The following FCRL2 variants were observed in gnomAD, a reference collection of about 807,000 sequenced individuals.
FCRL2 encodes Fc receptor like 2.
FCRL2 carries 48 observed loss-of-function variants against 59.8 expected under a neutral mutation model. The observed-to-expected ratio is 0.80, with a 90% CI of 0.64 to 1.02. FCRL2 has a LOEUF of 1.02. Among genes scored for constraint, FCRL2 ranks in the 50% least tolerant of loss-of-function variants. FCRL2 has a pLI of 0.00. For missense variants in FCRL2, 658 were observed against 597.3 expected (o/e 1.10, Z -1.06); for synonymous variants, 251 against 229.5 (o/e 1.09, Z -0.85).
chr1:157,758,388 G>C (rs1175606882), intron 7 of FCRL2, among the ~76,000 whole-genome samples: 1 of 151,906 alleles, frequency 6.6e-6, no homozygotes, highest in Non-Finnish European at 1.5e-5. Context: ...TTGCACAAAA[G>C]GGAAAAAATA....
In FCRL2 at chr1:157,746,934, C is replaced by G. The variant is rs16839018; in HGVS notation, c.1460-35G>C. 9,580 of 1,607,954 alleles carry G rather than the reference C, an allele frequency of 6.0e-3. 467 individuals are homozygous for G. The African/African-American group carries it at 0.11, about 19-fold the overall frequency. ...AAAAAGTAATAGTTCTGAGCTCTTG[C>G]ATTCTTAATTAGGCCTCACTCCCAG... On this transcript the variant is annotated intron_variant, in intron 10 of 11. Coordinates refer to ENST00000361516, the MANE Select transcript of FCRL2 (RefSeq NM_030764.4).
At position 157,746,690 on chromosome 1, in the gene FCRL2, AT is replaced by A; in HGVS notation, c.*45del. 1 of 1,588,206 alleles carries A rather than the reference AT, an allele frequency of 6.3e-7. No individual in the cohort carries two copies. The highest frequency in any genetic ancestry group is 8.6e-7 in the Non-Finnish European group (1 of 1,156,726). ...TAAGGTTTTATAGCAAGTCTTAATG[AT>A]GCCCCATCCTTGCTGTTGATCTTCC... On this transcript the variant is annotated 3_prime_UTR_variant, in exon 12 of 12. Transcript: ENST00000361516.
Position 157,755,251 on chromosome 1 carries a change from G to A in FCRL2, c.1280-5574C>T, listed in dbSNP as rs79211930. Among the ~76,000 whole-genome samples the A allele has an allele frequency of 6.6e-5, 10 of 152,122 alleles. No homozygotes were observed. In the East Asian group the frequency reaches 1.7e-3, roughly 27 times the overall value. The stretch of plus-strand genomic sequence containing the variant: ...CTAAGAATGAGATAAAAAACCCAAC[G>A]TAAAACGATGAAACTATGTGAACAA... On this transcript the variant is annotated intron_variant, in intron 7 of 11. Coordinates refer to ENST00000361516, the MANE Select transcript of FCRL2 (RefSeq NM_030764.4).
chr1:157,768,418 C>A lies in FCRL2; in HGVS notation c.879G>T (p.Val293=). 6.2e-7 allele frequency: 1 copy of A among 1,612,942 alleles called. No homozygotes were observed. Among genetic ancestry groups the A allele is most frequent in the South Asian group, 1.1e-5 (1 of 90,944 alleles). Residue 293 remains valine, a synonymous_variant, in exon 5 of 12, where the codon GTG becomes GTT. Coordinates refer to ENST00000361516, the MANE Select transcript of FCRL2 (RefSeq NM_030764.4). ...ATGAATGAGAGTGTCACTCACTTCTCACAGGGATATTCACCACCTTGCTCT... is the reference window on the plus strand; with the variant it reads ...ATGAATGAGAGTGTCACTCACTTCTAACAGGGATATTCACCACCTTGCTCT... The part of the protein sequence containing the change: ...PIQSKVVNIP[V]RIPVSRPVLT...
chr1:157,746,787 C>G lies in FCRL2; in HGVS notation c.1489-13G>C. On this transcript the variant is annotated splice_polypyrimidine_tract_variant and intron_variant, in intron 11 of 11. Coordinates refer to ENST00000361516, the MANE Select transcript of FCRL2 (RefSeq NM_030764.4). ...TGACTTGGGAGTCCTGGGAGAGACACACAGGAATAAAGACTGAGGTGATCA... is the reference window on the plus strand; with the variant it reads ...TGACTTGGGAGTCCTGGGAGAGACAGACAGGAATAAAGACTGAGGTGATCA... The G allele has an allele frequency of 6.2e-7, 1 of 1,613,876 alleles. No individual in the cohort carries two copies. Among genetic ancestry groups the G allele is most frequent in the East Asian group, 2.2e-5 (1 of 44,874 alleles).
chr1:157,770,770 C>G (rs747321425), intron 2 of FCRL2, 104 bp from the exon 3 acceptor site: 128 of 1,264,198 alleles, frequency 1.0e-4, no homozygotes, highest in Non-Finnish European at 1.4e-4. Context: ...CTTCTTTAAA[C>G]AAGATGGAAG....
At chr1:157,762,217 G>C (rs188673724) in intron 7 of FCRL2, among the ~76,000 whole-genome samples, 1 of 152,244 alleles carries the variant, frequency 6.6e-6, no homozygotes, top group African/African-American at 2.4e-5. Flanking sequence ...ATACCTACCC[G>C]CATGCACCAT....
Position 157,766,482 on chromosome 1 carries a change from A to T in FCRL2, c.1279+373T>A, listed in dbSNP as rs1004241930. The T allele has an allele frequency of 1.0e-4, 21 of 206,734 alleles. No individual in the cohort carries two copies. The Admixed American group carries it at 1.1e-3, about 10-fold the overall frequency. 12.8% of individuals were successfully genotyped at this position (206,734 alleles called of 1,614,324 possible). Reference sequence around the variant, plus strand: ...TGAGACTCTGTCTCAAAAAAAAAAAAATTTTTTTTGTGTTCCTTTAAATCT... The same window carrying T: ...TGAGACTCTGTCTCAAAAAAAAAAATATTTTTTTTGTGTTCCTTTAAATCT... On this transcript the variant is annotated intron_variant, in intron 7 of 11. Coordinates refer to ENST00000361516, the MANE Select transcript of FCRL2 (RefSeq NM_030764.4).
At chr1:157,764,465 C>A (rs1649347642) in intron 7 of FCRL2, among the ~76,000 whole-genome samples, 1 of 152,172 alleles carries the variant, frequency 6.6e-6, no homozygotes, top group Admixed American at 6.6e-5. Flanking sequence ...GTACTTTAAA[C>A]CAAATAGCCT....
At chr1:157,772,484 C>T (rs1218991560) in intron 2 of FCRL2, among the ~76,000 whole-genome samples, 1 of 152,156 alleles carries the variant, frequency 6.6e-6, no homozygotes, top group Non-Finnish European at 1.5e-5. Context: ...AGCCGGCTTG[C>T]AGCTCTGAGA....
intron 3 of FCRL2, 101 bp from the exon 4 acceptor site, chr1:157,770,251 G>A: frequency 6.8e-7 from 1 of 1,468,618 alleles, no homozygotes; most frequent in Non-Finnish European, 9.3e-7. Context: ...GACATTCAGA[G>A]CTAGACACCT....
At chr1:157,771,861 A>G (rs1389026569) in intron 2 of FCRL2, among the ~76,000 whole-genome samples, 1 of 152,126 alleles carries the variant, frequency 6.6e-6, no homozygotes, top group Non-Finnish European at 1.5e-5. Context: ...AGAAGTCAAT[A>G]AAATAAGAGA....
At chr1:157,769,180 A>G (rs1649777128) in intron 4 of FCRL2, 1 of 155,850 alleles carries the variant, frequency 6.4e-6, no homozygotes, top group African/African-American at 2.4e-5. Flanking sequence ...ATTGCCTTCT[A>G]ATAAGTCAAT....
Position 157,754,456 on chromosome 1 carries a change from A to G in FCRL2, c.1280-4779T>C, listed in dbSNP as rs557886575. 2.0e-5 allele frequency among the ~76,000 whole-genome samples: 3 copies of G among 152,292 alleles called. No individual in the cohort carries two copies. In the East Asian group the frequency reaches 5.8e-4, roughly 29 times the overall value. On this transcript the variant is annotated intron_variant, in intron 7 of 11. Transcript: ENST00000361516. Reference sequence around the variant, plus strand: ...TCAAGAAATAACCATAAAAATGGGCAACAAGGAACCCTTGGGGCTACTCTG... The same window carrying G: ...TCAAGAAATAACCATAAAAATGGGCGACAAGGAACCCTTGGGGCTACTCTG...
At chr1:157,758,603 GT>G (rs1648775125) in intron 7 of FCRL2, among the ~76,000 whole-genome samples, 1 of 132,414 alleles carries the variant, frequency 7.6e-6, no homozygotes. Flanking sequence ...CAATGACATT[GT>G]TTGCAAAATT....
At position 157,768,435 on chromosome 1, in the gene FCRL2, C is replaced by T. The variant is rs1287345109; in HGVS notation, c.862G>A (p.Val288Met). 1.2e-6 allele frequency: 2 copies of T among 1,613,934 alleles called. No individual in the cohort carries two copies. The highest frequency in any genetic ancestry group is 1.7e-6 in the Non-Finnish European group (2 of 1,179,938). ...DNGHVPIQSK[V>M]VNIPVRIPVS... Reference sequence around the variant, plus strand: ...TCACTTCTCACAGGGATATTCACCACCTTGCTCTGGATAGGCACATGGCCG... The same window carrying T: ...TCACTTCTCACAGGGATATTCACCATCTTGCTCTGGATAGGCACATGGCCG... The change falls in exon 5 of 12, where the codon GTG becomes ATG. Residue 288 changes from valine to methionine, a missense_variant. Val to Met is a conservative substitution (Grantham distance 21, BLOSUM62 1). Coordinates refer to ENST00000361516, the MANE Select transcript of FCRL2 (RefSeq NM_030764.4).
intron 7 of FCRL2, among the ~76,000 whole-genome samples, chr1:157,763,390 T>G (rs1182058113): frequency 6.6e-6 from 1 of 151,906 alleles, no homozygotes; most frequent in African/African-American, 2.4e-5. Flanking sequence ...CCAGGCATGG[T>G]GGCGGGTGCC....
At chr1:157,766,656 G>T (rs1649518013) in intron 7 of FCRL2, 199 bp downstream of exon 7, 2 of 728,490 alleles carry the variant, frequency 2.7e-6, no homozygotes, top group Non-Finnish European at 4.3e-6. Flanking sequence ...ACTATGCACA[G>T]GGAACAGTGA....
At chr1:157,751,014 C>G (rs1456535066) in intron 7 of FCRL2, among the ~76,000 whole-genome samples, 2 of 151,894 alleles carry the variant, frequency 1.3e-5, no homozygotes, top group African/African-American at 2.4e-5. Flanking sequence ...TGACATATGT[C>G]TATAATTTGT....
Sources: gnomAD v4.1 joint callset for allele counts (sites outside exome capture counted in the v4.1 genomes callset) on GRCh38, gnomAD v4.1.1 for gene constraint, MANE v1.5 for transcripts, NCBI Gene and HGNC (gene_info 2026-07-23, HGNC 2026-07-21) for gene names.